Variants in KIF16B observed in about 807,000 individuals in gnomAD.
The protein encoded by KIF16B is kinesin family member 16B, also known as kinesin-like protein KIF16B.
A neutral mutation model predicts 156.3 loss-of-function variants in KIF16B; 98 were observed. The ratio of observed to expected loss-of-function variants is 0.63; its 90% confidence interval spans 0.53 to 0.74. The LOEUF is 0.74. Among genes scored for constraint, KIF16B ranks in the 30% least tolerant of loss-of-function variants. The probability of loss-of-function intolerance (pLI) is 0.00; values close to 1 mark genes in which losing one functional copy is unlikely to be tolerated. For missense variants in KIF16B, 1,421 were observed against 1,606.5 expected, an observed-to-expected ratio of 0.88 and a Z score of 1.97; for synonymous variants, 564 against 583.7, an observed-to-expected ratio of 0.97 and a Z score of 0.49.
chr20:16,316,722 CA>C (rs1205762828), intron 24 of KIF16B, among the ~76,000 whole-genome samples: 1 of 152,130 alleles, frequency 6.6e-6, no homozygotes, highest in Non-Finnish European at 1.5e-5. Flanking sequence ...TTTCTCTCCA[CA>C]AGTGCAAAGC....
intron 10 of KIF16B, among the ~76,000 whole-genome samples, chr20:16,498,329 A>G (rs903504297): frequency 6.6e-6 from 1 of 152,114 alleles, no homozygotes; most frequent in East Asian, 1.9e-4. Flanking sequence ...AGTGGCAGGG[A>G]CACTGTGCTT....
chr20:16,482,717 T>C (rs915285958), intron 12 of KIF16B, among the ~76,000 whole-genome samples: 2 of 152,172 alleles, frequency 1.3e-5, no homozygotes, highest in Non-Finnish European at 2.9e-5. Flanking sequence ...GAGTCATAAA[T>C]ATTTTCTCTT....
Position 16,356,329 on chromosome 20 carries a change from C to T in KIF16B, c.3621+1G>A, listed in dbSNP as rs767331906. The T allele has an allele frequency of 1.2e-6, 2 of 1,614,118 alleles. No individual in the cohort carries two copies. The highest frequency in any genetic ancestry group is 1.1e-5 in the South Asian group (1 of 91,082). On this transcript the variant is annotated splice_donor_variant, in intron 23 of 25. Transcript: ENST00000354981. LOFTEE classifies it high-confidence loss of function. Reference sequence around the variant, plus strand: ...TCCAGAAGAGTCAAGAAGACACTCACCTTGACCTCAAACTCGAAGTGTGCA... The same window carrying T: ...TCCAGAAGAGTCAAGAAGACACTCATCTTGACCTCAAACTCGAAGTGTGCA...
At position 16,573,386 on chromosome 20, in the gene KIF16B, C is replaced by T. The variant is rs975212896; in HGVS notation, c.-111G>A. 2 of 1,184,168 alleles carry T rather than the reference C, an allele frequency of 1.7e-6. No homozygotes were observed. The highest frequency in any genetic ancestry group is 2.1e-5 in the Admixed American group (1 of 47,592). The allele number at this position is 1,184,168 out of a possible 1,614,324, so 73.4% of individuals were successfully genotyped here. On this transcript the variant is annotated 5_prime_UTR_variant, in exon 1 of 26. Coordinates refer to ENST00000354981, the MANE Select transcript of KIF16B (RefSeq NM_024704.5). ...CCCGCCCACTTCCCTCTCGCCCCCGCCCCTCTGCTCCCGGCCGGACCTGGA... is the reference window on the plus strand; with the variant it reads ...CCCGCCCACTTCCCTCTCGCCCCCGTCCCTCTGCTCCCGGCCGGACCTGGA...
intron 1 of KIF16B, among the ~76,000 whole-genome samples, chr20:16,547,322 A>T (rs535969161): frequency 5.9e-5 from 9 of 152,330 alleles, no homozygotes; most frequent in African/African-American, 1.9e-4. Context: ...AAACATTAAT[A>T]TCATGGCTCA....
At chr20:16,344,871 A>C (rs2064202986) in intron 23 of KIF16B, among the ~76,000 whole-genome samples, 1 of 152,164 alleles carries the variant, frequency 6.6e-6, no homozygotes, top group South Asian at 2.1e-4. Flanking sequence ...TCCTTTTAGC[A>C]CATTTCAAAA....
At chr20:16,455,445 G>A (rs1337649907) in intron 12 of KIF16B, among the ~76,000 whole-genome samples, 2 of 151,910 alleles carry the variant, frequency 1.3e-5, no homozygotes, top group African/African-American at 4.8e-5. Flanking sequence ...CTGGTAATCA[G>A]GTGAAGGTTG....
At chr20:16,392,960 G>C (rs774444331) in intron 17 of KIF16B, among the ~76,000 whole-genome samples, 48 of 152,292 alleles carry the variant, frequency 3.2e-4, no homozygotes, top group South Asian at 1.0e-3. Flanking sequence ...AAAGGAAATA[G>C]TTCTGAGTGT....
intron 12 of KIF16B, among the ~76,000 whole-genome samples, chr20:16,438,926 T>C (rs2066719632): frequency 6.6e-6 from 1 of 152,014 alleles, no homozygotes; most frequent in Non-Finnish European, 1.5e-5. Context: ...CACAATCAGA[T>C]TTAAAAACAA....
intron 1 of KIF16B, among the ~76,000 whole-genome samples, chr20:16,560,523 C>A (rs1483535248): frequency 6.6e-6 from 1 of 152,198 alleles, no homozygotes; most frequent in Admixed American, 6.5e-5. Flanking sequence ...AGTTTAAAAT[C>A]TTGATCTGAG....
chr20:16,531,218 G>A (rs6075065), intron 1 of KIF16B, among the ~76,000 whole-genome samples: 132,119 of 152,200 alleles, frequency 0.87, 57,668 homozygotes, highest in African/African-American at 0.97. Context: ...TAAAAACTCA[G>A]TGGTCCCCTC....
chr20:16,384,360 C>A (rs984323826), intron 17 of KIF16B, among the ~76,000 whole-genome samples: 2 of 152,084 alleles, frequency 1.3e-5, no homozygotes, highest in African/African-American at 4.8e-5. Flanking sequence ...TACCTAGGAT[C>A]AAGGCAAGCT....
rs199868135 is a variant in KIF16B at position 16,427,235 on chromosome 20, T to G, written c.1481A>C (p.His494Pro). 6.2e-7 allele frequency: 1 copy of G among 1,609,114 alleles called. No homozygotes were observed. The highest frequency in any genetic ancestry group is 8.5e-7 in the Non-Finnish European group (1 of 1,178,240). The change falls in exon 15 of 26, where the codon CAT becomes CCT. Residue 494 changes from histidine to proline, a missense_variant. By Grantham distance (77) the His-to-Pro change is moderately conservative. Coordinates refer to ENST00000354981, the MANE Select transcript of KIF16B (RefSeq NM_024704.5). The stretch of plus-strand genomic sequence containing the variant: ...ATGCTCACTCTCCAAGTCAAGGCCA[T>G]GAAGAACTAAAGTGGAAAAACAAAG... ...DASTEQDIVL[H>P]GLDLESEHCI...
chr20:16,360,285 T>C (rs2064527077), intron 22 of KIF16B, among the ~76,000 whole-genome samples: 1 of 152,218 alleles, frequency 6.6e-6, no homozygotes, highest in Admixed American at 6.5e-5. Flanking sequence ...AATTTATTTT[T>C]GATTTGAAAG....
intron 24 of KIF16B, among the ~76,000 whole-genome samples, chr20:16,326,576 A>G (rs1354029739): frequency 6.6e-6 from 1 of 152,122 alleles, no homozygotes; most frequent in African/African-American, 2.4e-5. Flanking sequence ...AAAATGCTCA[A>G]CATCACTAAT....
Position 16,497,669 on chromosome 20 carries a change from A to G in KIF16B, c.1186T>C (p.Leu396=), listed in dbSNP as rs572792602. The change falls in exon 11 of 26, where the codon TTA becomes CTA. Residue 396 remains leucine, a synonymous_variant. Transcript: ENST00000354981. ...LLAQGNQIAL[L]DSPTALSMEE... ...ATACTTAAAGCTGTGGGGGAGTCTA[A>G]GAGGGCAATCTACAATATAAACCAT... is the stretch of plus-strand genomic sequence containing the variant. 1 of 1,608,796 alleles carries G rather than the reference A, an allele frequency of 6.2e-7. No individual in the cohort carries two copies. Among genetic ancestry groups the G allele is most frequent in the South Asian group, 1.1e-5 (1 of 90,922 alleles).
chr20:16,448,874 GAC>G (rs938350353), intron 12 of KIF16B, among the ~76,000 whole-genome samples: 4 of 145,948 alleles, frequency 2.7e-5, no homozygotes, highest in Admixed American at 2.1e-4. Flanking sequence ...ATAGAAATAT[GAC>G]AGAGAGAGAG....
chr20:16,356,271 G>T, intron 23 of KIF16B, 59 bp downstream of exon 23: 1 of 1,603,700 alleles, frequency 6.2e-7, no homozygotes, highest in Non-Finnish European at 8.5e-7. Flanking sequence ...AATAAAGACA[G>T]ATAAAGCACT....
At chr20:16,466,574 G>A (rs1600471939) in intron 12 of KIF16B, among the ~76,000 whole-genome samples, 1 of 152,322 alleles carries the variant, frequency 6.6e-6, no homozygotes, top group South Asian at 2.1e-4. Flanking sequence ...CTTGCCTGCT[G>A]CCATGTAAGA....
Sources: allele counts gnomAD v4.1 joint callset (sites outside exome capture counted in the v4.1 genomes callset), GRCh38; gene constraint gnomAD v4.1.1; transcripts MANE v1.5; gene names NCBI Gene and HGNC (gene_info 2026-07-23, HGNC 2026-07-21).